MED6: variants seen among roughly 807,000 people sequenced by gnomAD.
MED6 encodes the protein mediator of RNA polymerase II transcription subunit 6.
In MED6, 33 loss-of-function variants were observed where a neutral mutation model predicts 37.5. That is an observed-to-expected ratio of 0.88 (90% CI 0.67 to 1.18). The LOEUF (loss-of-function observed/expected upper bound fraction) is 1.18. Ranked by LOEUF, MED6 falls within the 50% of genes most tolerant of loss-of-function variation. MED6 has a pLI of 0.00. For missense variants in MED6, 235 were observed against 290.6 expected (o/e 0.81, Z 1.39); for synonymous variants, 94 against 93.6 (o/e 1.00, Z -0.02).
intron 3 of MED6, 152 bp downstream of exon 3, chr14:70,596,459 A>C: frequency 1.8e-6 from 1 of 560,224 alleles, no homozygotes; most frequent in Non-Finnish European, 3.2e-6. Flanking sequence ...CCATATGCTA[A>C]GTCTGGTGAG....
chr14:70,594,846 CAG>C, intron 3 of MED6: 3 of 652,754 alleles, frequency 4.6e-6, no homozygotes, highest in South Asian at 4.1e-5. Context: ...CCTACCTGGA[CAG>C]AGTGAGGAGC....
chr14:70,586,522 T>G (rs948533649), intron 6 of MED6, among the ~76,000 whole-genome samples: 3 of 152,330 alleles, frequency 2.0e-5, no homozygotes, highest in African/African-American at 7.2e-5. Flanking sequence ...CCTTACCATC[T>G]ACCTTCAAAC....
intron 6 of MED6, among the ~76,000 whole-genome samples, chr14:70,589,490 G>C (rs1884810120): frequency 6.6e-6 from 1 of 152,214 alleles, no homozygotes; most frequent in Non-Finnish European, 1.5e-5. Context: ...ACTTGAAGAT[G>C]AGATAGAGGA....
intron 3 of MED6, 97 bp downstream of exon 3, chr14:70,596,514 C>A: frequency 1.1e-6 from 1 of 905,726 alleles, no homozygotes; most frequent in Non-Finnish European, 1.7e-6. Context: ...TGGAGACCCC[C>A]CAAACAGAAA....
At chr14:70,595,724 G>A (rs1480880495) in intron 3 of MED6, 3 of 737,160 alleles carry the variant, frequency 4.1e-6, no homozygotes, top group Admixed American at 1.8e-5. Context: ...GTGACGCCCT[G>A]GACAGCAGCA....
rs116724819 is a variant in MED6, at chr14:70,595,401, G to A, written c.274+1210C>T. 2.1e-3 allele frequency: 1,188 copies of A among 568,970 alleles called. 10 individuals carry two copies. Among genetic ancestry groups the A allele is most frequent in the African/African-American group, 0.02 (1,071 of 54,876 alleles). The allele number at this position is 568,970 out of a possible 1,614,324, so 35.2% of individuals were successfully genotyped here. On this transcript the variant is annotated intron_variant, in intron 3 of 7. Transcript: ENST00000256379. ...AGTGGTCACTATGCAGTCTGCCAAG[G>A]TTGGGGTTGCTAAGGTGACGCTCAC...
intron 1 of MED6, among the ~76,000 whole-genome samples, chr14:70,598,487 C>A (rs1191202271): frequency 1.3e-5 from 2 of 151,742 alleles, no homozygotes; most frequent in African/African-American, 4.8e-5. Context: ...AAAAAAAAGA[C>A]ATGAAGAAAT....
intron 1 of MED6, among the ~76,000 whole-genome samples, chr14:70,600,370 A>G (rs1167899947): frequency 6.6e-6 from 1 of 151,822 alleles, no homozygotes; most frequent in Non-Finnish European, 1.5e-5. Flanking sequence ...CCAGCTCTGA[A>G]AGCTCAAAAC....
intron 1 of MED6, chr14:70,597,979 G>C (rs1298387722): frequency 2.6e-6 from 1 of 383,874 alleles, no homozygotes; most frequent in African/African-American, 2.1e-5. Flanking sequence ...AAGACATGGT[G>C]AAACCCTGTC....
At chr14:70,595,322 G>T in intron 3 of MED6, 3 of 548,816 alleles carry the variant, frequency 5.5e-6, no homozygotes, top group Admixed American at 4.1e-5. Context: ...TGGCTCAGAA[G>T]AACTGAGAGG....
chr14:70,587,921 G>A (rs917930078), intron 6 of MED6, among the ~76,000 whole-genome samples: 13 of 152,242 alleles, frequency 8.5e-5, no homozygotes, highest in African/African-American at 3.1e-4. Context: ...CTTCAAAGAA[G>A]CAGACAGGAC....
chr14:70,588,493 G>C (rs73283967), intron 6 of MED6, among the ~76,000 whole-genome samples: 3,517 of 151,946 alleles, frequency 0.023, 135 homozygotes, highest in African/African-American at 0.079. Context: ...AAACTATCCT[G>C]GCTAACGCGG....
chr14:70,596,714 A>G lies in MED6; in HGVS notation c.183-12T>C. The G allele has an allele frequency of 6.3e-7, 1 of 1,590,718 alleles. No homozygotes were observed. The highest frequency in any genetic ancestry group is 8.6e-7 in the Non-Finnish European group (1 of 1,159,786). ...TTCCAACCATCTGACTGAAAACAGA[A>G]CACAGACATCCAAAGATCTATAAAC... is the stretch of plus-strand genomic sequence containing the variant. On this transcript the variant is annotated splice_polypyrimidine_tract_variant and intron_variant, in intron 2 of 7. Coordinates refer to ENST00000256379, the MANE Select transcript of MED6 (RefSeq NM_005466.4).
rs760945913 is a variant in MED6 at position 70,600,627 on chromosome 14, A to ACCG, written c.8_10dup (p.Ala3dup). 1 of 1,611,410 alleles carries ACCG rather than the reference A, an allele frequency of 6.2e-7. No individual in the cohort carries two copies. Among genetic ancestry groups the ACCG allele is most frequent in the Non-Finnish European group, 8.5e-7 (1 of 1,178,932 alleles). ...GCAATACAGTATACCTCGGATATCC[A>ACCG]CCGCCGCCATAATTCCGAGAGCGTT... On this transcript the variant is annotated inframe_insertion, in exon 1 of 8. Transcript: ENST00000256379.
intron 1 of MED6, 105 bp from the exon 2 acceptor site, chr14:70,597,882 G>A (rs1885091148): frequency 2.4e-6 from 2 of 846,894 alleles, no homozygotes; most frequent in African/African-American, 3.6e-5. Context: ...TGAATATAAG[G>A]ATGACATAGA....
Position 70,584,759 on chromosome 14 carries a change from T to C in MED6, c.*54A>G, listed in dbSNP as rs1884652632. ...CTTCAAAGCTCAAGAGCCACAGTAC[T>C]GAGGTATGATAACTAGCATGAGGAG... is the stretch of plus-strand genomic sequence containing the variant. On this transcript the variant is annotated 3_prime_UTR_variant, in exon 8 of 8. Transcript: ENST00000256379. 1.9e-6 allele frequency: 3 copies of C among 1,585,938 alleles called. No homozygotes were observed. Among genetic ancestry groups the C allele is most frequent in the African/African-American group, 2.7e-5 (2 of 73,324 alleles).
intron 3 of MED6, chr14:70,595,365 G>T: frequency 1.8e-6 from 1 of 566,042 alleles, no homozygotes; most frequent in East Asian, 3.8e-5. Context: ...GCAGATTGAG[G>T]AGAACACCAC....
At chr14:70,586,436 AC>A (rs954177997) in intron 6 of MED6, among the ~76,000 whole-genome samples, 15 of 152,058 alleles carry the variant, frequency 9.9e-5, no homozygotes, top group African/African-American at 3.6e-4. Context: ...GTCTTCTTCT[AC>A]CCCTCATCCG....
chr14:70,591,150 A>T, intron 6 of MED6, 116 bp downstream of exon 6: 1 of 764,468 alleles, frequency 1.3e-6, no homozygotes. Flanking sequence ...ATCATTTTTT[A>T]ACTAATGAGG....
Sources: allele counts gnomAD v4.1 joint callset (sites outside exome capture counted in the v4.1 genomes callset), GRCh38; gene constraint gnomAD v4.1.1; transcripts MANE v1.5; gene names NCBI Gene and HGNC (gene_info 2026-07-23, HGNC 2026-07-21).